The following SMS variants were observed in gnomAD, a reference collection of about 807,000 sequenced individuals.
SMS encodes spermidine aminopropyltransferase.
Under a neutral mutation model 33.0 loss-of-function variants are expected in SMS, and 3 were observed. That is an observed-to-expected ratio of 0.09 (90% confidence interval 0.04 to 0.23). The LOEUF is 0.23. Ranked by LOEUF, SMS falls within the 10% of genes least tolerant of loss-of-function variation. The pLI, the probability that SMS is intolerant of heterozygous loss-of-function variation, is 1.00. For missense variants in SMS, 117 were observed against 288.6 expected, an observed-to-expected ratio of 0.41 and a Z score of 4.31; for synonymous variants, 103 against 112.2, an observed-to-expected ratio of 0.92 and a Z score of 0.52.
chrX:21,973,960 C>T (rs1269425248), intron 4 of SMS, among the ~76,000 whole-genome samples: 3 of 112,997 alleles, frequency 2.7e-5, no homozygotes, highest in Non-Finnish European at 5.6e-5. Flanking sequence ...TTTGGATACA[C>T]AGCATGCAAA....
At chrX:21,968,415 A>G (rs768464072) in intron 2 of SMS, among the ~76,000 whole-genome samples, 12 of 112,366 alleles carry the variant, frequency 1.1e-4, no homozygotes, top group Non-Finnish European at 1.5e-4. Context: ...CAGTGGTTCT[A>G]TGTGGCCAGG....
At chrX:21,956,631 G>A (rs1166081850) in intron 1 of SMS, among the ~76,000 whole-genome samples, 2 of 110,814 alleles carry the variant, frequency 1.8e-5, no homozygotes, top group East Asian at 2.8e-4. Flanking sequence ...CACCACGCCC[G>A]GCTAATTTTT....
At chrX:21,977,553 A>G (rs1169675012) in intron 5 of SMS, among the ~76,000 whole-genome samples, 2 of 112,263 alleles carry the variant, frequency 1.8e-5, no homozygotes, top group Non-Finnish European at 1.9e-5. Context: ...TGATGAACCC[A>G]CATGTACTTA....
At chrX:21,985,095 G>A in intron 8 of SMS, 49 bp from the exon 9 acceptor site, 1 of 785,627 alleles carries the variant, frequency 1.3e-6, no homozygotes, top group Non-Finnish European at 2.0e-6. Flanking sequence ...CAGATGTTGT[G>A]GATACATACA....
At chrX:21,992,519 C>T in intron 9 of SMS, 78 bp from the exon 10 acceptor site, 1 of 594,769 alleles carries the variant, frequency 1.7e-6, no homozygotes, top group Admixed American at 2.4e-5. Context: ...AATTGTTCTC[C>T]TTTATTAAAG....
intron 7 of SMS, among the ~76,000 whole-genome samples, chrX:21,980,268 T>G (rs1569352439): frequency 2.8e-5 from 3 of 108,540 alleles, no homozygotes; most frequent in African/African-American, 9.9e-5. Context: ...CCATGTAAAA[T>G]TAGCCAGGTG....
intron 1 of SMS, among the ~76,000 whole-genome samples, chrX:21,949,706 C>T (rs1024020877): frequency 1.1e-4 from 12 of 111,938 alleles, no homozygotes; most frequent in African/African-American, 3.9e-4. Flanking sequence ...CTGTAGATCA[C>T]AGTGTTCAAA....
intron 7 of SMS, among the ~76,000 whole-genome samples, chrX:21,980,429 A>AAAATATATATATAT (rs1260210326): frequency 4.3e-4 from 27 of 63,035 alleles, no homozygotes; most frequent in Non-Finnish European, 7.7e-4. Flanking sequence ...AAAAAAAAAA[A>AAAATATATATATAT]ATATATATAT....
intron 1 of SMS, 105 bp from the exon 2 acceptor site, chrX:21,967,091 T>A: frequency 4.9e-6 from 1 of 202,932 alleles, no homozygotes; most frequent in Non-Finnish European, 7.1e-6. Flanking sequence ...TTTATTTATT[T>A]ACTTATTTAT....
intron 9 of SMS, among the ~76,000 whole-genome samples, chrX:21,988,769 G>A (rs1198621708): frequency 1.8e-5 from 2 of 110,161 alleles, no homozygotes; most frequent in Non-Finnish European, 3.8e-5. Flanking sequence ...TGCTAGCTGT[G>A]AGTTCGTGAT....
rs148508749 is a variant in SMS, at chrX:21,943,259, T to C, written c.49+2386T>C. On this transcript the variant is annotated intron_variant, in intron 1 of 10. Coordinates refer to ENST00000404933, the MANE Select transcript of SMS (RefSeq NM_004595.5). ...CTTGGCCAAATTTAGATTTAGTCTC[T>C]TGAAGTGCTGGTTCACAATAGGATG... is the stretch of plus-strand genomic sequence containing the variant. 3.7e-4 allele frequency among the ~76,000 whole-genome samples: 42 copies of C among 112,179 alleles called. No homozygotes were observed. In the East Asian group the frequency reaches 0.011, roughly 31 times the overall value.
At chrX:21,986,554 C>T (rs1925351202) in intron 9 of SMS, among the ~76,000 whole-genome samples, 1 of 111,557 alleles carries the variant, frequency 9.0e-6, no homozygotes, top group African/African-American at 3.3e-5. Flanking sequence ...CCTCTGCGTG[C>T]AAGACCTGCA....
At chrX:21,980,452 A>T (rs1459937297) in intron 7 of SMS, among the ~76,000 whole-genome samples, 3 of 99,935 alleles carry the variant, frequency 3.0e-5, no homozygotes, top group African/African-American at 1.1e-4. Flanking sequence ...ATATATATAT[A>T]TTTCCATCTA....
At chrX:21,960,059 T>C (rs1273031795) in intron 1 of SMS, 1 of 310,089 alleles carries the variant, frequency 3.2e-6, no homozygotes, top group African/African-American at 2.9e-5. Flanking sequence ...GTAGGGGCAC[T>C]GAGAATAAAG....
At chrX:21,959,857 G>T (rs1393582350) in intron 1 of SMS, 1 of 693,979 alleles carries the variant, frequency 1.4e-6, no homozygotes, top group Non-Finnish European at 1.7e-6. Flanking sequence ...GGGAGTTGCA[G>T]ACTGGCTCTA....
At position 21,976,850 on chromosome X, in the gene SMS, C is replaced by T. The variant is rs5951491; in HGVS notation, c.330-211C>T. ...TTGTTAGAGAAAATCTAAAGCATGA[C>T]AGGATTTTTTAAAAAGTGAACTGTG... On this transcript the variant is annotated intron_variant, in intron 4 of 10. Coordinates refer to ENST00000404933, the MANE Select transcript of SMS (RefSeq NM_004595.5). Among the ~76,000 whole-genome samples, 14,951 of 111,653 alleles carry T rather than the reference C, an allele frequency of 0.13. 1,507 individuals are homozygous for T. The highest frequency in any genetic ancestry group is 0.35 in the African/African-American group (10,721 of 30,563).
intron 2 of SMS, among the ~76,000 whole-genome samples, chrX:21,968,785 G>A (rs1923917234): frequency 8.9e-6 from 1 of 112,136 alleles, no homozygotes; most frequent in African/African-American, 3.2e-5. Flanking sequence ...TTAGTAATTT[G>A]CACTATTAAT....
intron 7 of SMS, among the ~76,000 whole-genome samples, chrX:21,982,849 A>G (rs1227404594): frequency 8.9e-6 from 1 of 112,168 alleles, no homozygotes; most frequent in African/African-American, 3.2e-5. Flanking sequence ...TAATACATGG[A>G]TTGAAAGCAA....
chrX:21,965,641 G>C (rs1437862107), intron 1 of SMS, among the ~76,000 whole-genome samples: 1 of 104,305 alleles, frequency 9.6e-6, no homozygotes, highest in Non-Finnish European at 1.9e-5. Flanking sequence ...CTAGCTACTC[G>C]GGAGGCTGAG....
Sources: gnomAD v4.1 joint callset for allele counts (sites outside exome capture counted in the v4.1 genomes callset) on GRCh38, gnomAD v4.1.1 for gene constraint, MANE v1.5 for transcripts, NCBI Gene and HGNC (gene_info 2026-07-23, HGNC 2026-07-21) for gene names.